Variants in LINGO1 observed in about 807,000 individuals in gnomAD.
LINGO1 encodes leucine-rich repeat and immunoglobulin-like domain-containing nogo receptor-interacting protein 1.
In LINGO1, 11 loss-of-function variants were observed where a neutral mutation model predicts 37.3. The observed-to-expected ratio is 0.29, with a 90% CI of 0.19 to 0.49. The LOEUF (loss-of-function observed/expected upper bound fraction) is 0.49, where lower values mean the gene tolerates loss of function less well. Among genes scored for constraint, LINGO1 ranks in the 20% least tolerant of loss-of-function variants. The pLI is 0.99. For synonymous variants in LINGO1, 387 were observed against 403.0 expected (o/e 0.96, Z 0.48); for missense variants, 585 against 878.2 (o/e 0.67, Z 4.22).
intron 1 of LINGO1, among the ~76,000 whole-genome samples, chr15:77,818,034 A>T (rs958784488): frequency 6.6e-6 from 1 of 152,160 alleles, no homozygotes; most frequent in Admixed American, 6.5e-5. Flanking sequence ...TGAGATCAAG[A>T]CTTCTAACCA....
chr15:77,803,276 C>T (rs1249773628), intron 1 of LINGO1, among the ~76,000 whole-genome samples: 1 of 152,076 alleles, frequency 6.6e-6, no homozygotes, highest in Admixed American at 6.5e-5. Flanking sequence ...ACAGAGGAGG[C>T]ATTAGGCACA....
intron 1 of LINGO1, among the ~76,000 whole-genome samples, chr15:77,809,652 T>C (rs1229101422): frequency 6.6e-6 from 1 of 152,168 alleles, no homozygotes; most frequent in East Asian, 1.9e-4. Flanking sequence ...CAAGGACCCG[T>C]GCTGTTTCCT....
rs1355814974 is a variant in LINGO1 at position 77,614,125 on chromosome 15, C to A, written c.1782G>T (p.Glu594Asp). 6.2e-7 allele frequency: 1 copy of A among 1,613,868 alleles called. No homozygotes were observed. Among genetic ancestry groups the A allele is most frequent in the Admixed American group, 1.7e-5 (1 of 60,004 alleles). ...RGKGNTKHNI[E>D]IEYVPRKSDA... is the part of the protein sequence containing the mutation. Reference sequence around the variant, plus strand: ...CCGACTTTCGGGGCACATACTCGATCTCGATGTTGTGCTTTGTGTTGCCCT... The same window carrying A: ...CCGACTTTCGGGGCACATACTCGATATCGATGTTGTGCTTTGTGTTGCCCT... The change falls in exon 2 of 2, where the codon GAG becomes GAT. Residue 594 changes from glutamate (E) to aspartate (D), a missense_variant. Glu to Asp is a conservative substitution (Grantham distance 45). Coordinates refer to ENST00000355300, the MANE Select transcript of LINGO1 (RefSeq NM_032808.7).
chr15:77,717,091 A>T (rs2075993572), intron 2 of LINGO1, among the ~76,000 whole-genome samples: 1 of 150,180 alleles, frequency 6.7e-6, no homozygotes, highest in African/African-American at 2.4e-5. Context: ...CAAGCTCAGC[A>T]CTCTGCTCCC....
intron 1 of LINGO1, among the ~76,000 whole-genome samples, chr15:77,775,073 C>T (rs935792838): frequency 1.3e-5 from 2 of 152,234 alleles, no homozygotes; most frequent in Non-Finnish European, 2.9e-5. Flanking sequence ...AGGCCTGATG[C>T]TCAGACGTGG....
intron 2 of LINGO1, among the ~76,000 whole-genome samples, chr15:77,721,008 G>A (rs2076044284): frequency 6.6e-6 from 1 of 152,066 alleles, no homozygotes. Flanking sequence ...CAGAGAGCCA[G>A]AGGGCAGCCT....
chr15:77,711,430 T>C (rs760818764), intron 2 of LINGO1, among the ~76,000 whole-genome samples: 8 of 152,168 alleles, frequency 5.3e-5, no homozygotes, highest in Non-Finnish European at 8.8e-5. Flanking sequence ...GAAGACACCT[T>C]CCTGCCCTGT....
chr15:77,781,882 T>C (rs1488089897), intron 1 of LINGO1, among the ~76,000 whole-genome samples: 1 of 152,198 alleles, frequency 6.6e-6, no homozygotes, highest in Non-Finnish European at 1.5e-5. Flanking sequence ...GCCTCCCAGG[T>C]TCCTCCCATC....
At chr15:77,654,934 G>A (rs1317433904) in intron 3 of LINGO1, among the ~76,000 whole-genome samples, 3 of 152,128 alleles carry the variant, frequency 2.0e-5, no homozygotes, top group East Asian at 1.9e-4. Flanking sequence ...CCACGCCCCC[G>A]CCCTTTCCTC....
intron 2 of LINGO1, among the ~76,000 whole-genome samples, chr15:77,728,923 T>C (rs2076129127): frequency 6.6e-6 from 1 of 152,266 alleles, no homozygotes; most frequent in Non-Finnish European, 1.5e-5. Flanking sequence ...GGAGCTGTTA[T>C]TACTCTGGGT....
intron 1 of LINGO1, among the ~76,000 whole-genome samples, chr15:77,691,681 A>G (rs993469023): frequency 1.1e-4 from 16 of 152,226 alleles, no homozygotes; most frequent in African/African-American, 3.6e-4. Flanking sequence ...GCCGTTATTT[A>G]TAACAGCAAG....
intron 3 of LINGO1, among the ~76,000 whole-genome samples, chr15:77,650,017 C>T (rs899880256): frequency 2.0e-5 from 3 of 152,220 alleles, no homozygotes; most frequent in Non-Finnish European, 4.4e-5. Flanking sequence ...CAGTGTTCTC[C>T]GTGGAAAATG....
upstream of LINGO1, among the ~76,000 whole-genome samples, chr15:77,789,939 T>A (rs1033961658): frequency 1.3e-5 from 2 of 152,010 alleles, no homozygotes; most frequent in African/African-American, 4.8e-5. Context: ...GACCAGCTAT[T>A]TTTTTTATCT....
chr15:77,711,027 T>A (rs1355093064), intron 2 of LINGO1, among the ~76,000 whole-genome samples: 1 of 152,162 alleles, frequency 6.6e-6, no homozygotes, highest in African/African-American at 2.4e-5. Flanking sequence ...GGCACCTTCT[T>A]CCCCAGCCCC....
At chr15:77,798,280 T>C (rs966178007) in intron 1 of LINGO1, among the ~76,000 whole-genome samples, 3 of 152,202 alleles carry the variant, frequency 2.0e-5, no homozygotes, top group Non-Finnish European at 4.4e-5. Context: ...CCTCCCAAGC[T>C]GGATCCCGAT....
chr15:77,763,208 A>G (rs1356878704), intron 1 of LINGO1, among the ~76,000 whole-genome samples: 1 of 152,206 alleles, frequency 6.6e-6, no homozygotes, highest in Admixed American at 6.5e-5. Context: ...GCAGTTTATG[A>G]AAGTGTATGG....
chr15:77,725,673 A>T (rs535385259), intron 2 of LINGO1, among the ~76,000 whole-genome samples: 1 of 152,228 alleles, frequency 6.6e-6, no homozygotes, highest in Non-Finnish European at 1.5e-5. Flanking sequence ...CAGGGTGGGG[A>T]AAAGGCCTGC....
At chr15:77,719,341 C>T (rs1241156681) in intron 2 of LINGO1, among the ~76,000 whole-genome samples, 2 of 150,012 alleles carry the variant, frequency 1.3e-5, no homozygotes, top group Non-Finnish European at 3.0e-5. Context: ...TCTGGGACCC[C>T]ATCTCCATTC....
At chr15:77,692,746 C>T (rs2075625981) in intron 1 of LINGO1, among the ~76,000 whole-genome samples, 1 of 152,170 alleles carries the variant, frequency 6.6e-6, no homozygotes, top group Admixed American at 6.5e-5. Context: ...TCAATAAACA[C>T]CTCCTGGCTC....
Sources: allele counts gnomAD v4.1 joint callset (sites outside exome capture counted in the v4.1 genomes callset), GRCh38; gene constraint gnomAD v4.1.1; transcripts MANE v1.5; gene names NCBI Gene and HGNC (gene_info 2026-07-23, HGNC 2026-07-21).